The following LRRC1 variants were observed in gnomAD, a reference collection of about 807,000 sequenced individuals.
LRRC1 encodes leucine rich repeat containing 1.
Under a neutral mutation model 69.9 loss-of-function variants are expected in LRRC1, and 28 were observed. The ratio of observed to expected loss-of-function variants is 0.40; its 90% CI spans 0.30 to 0.55. The LOEUF (loss-of-function observed/expected upper bound fraction) is 0.55. Among genes scored for constraint, LRRC1 ranks in the 20% least tolerant of loss-of-function variants. The pLI is 0.47. For missense variants in LRRC1, 498 were observed against 609.0 expected (o/e 0.82, Z 1.92); for synonymous variants, 236 against 240.2 (o/e 0.98, Z 0.16).
intron 10 of LRRC1, among the ~76,000 whole-genome samples, chr6:53,906,617 AAG>A (rs552076381): frequency 1.1e-3 from 175 of 152,298 alleles, no homozygotes; most frequent in African/African-American, 4.0e-3. Context: ...AAACACACTC[AAG>A]AGTTTCTGAC....
chr6:53,820,214 C>T (rs1263239858), intron 1 of LRRC1, among the ~76,000 whole-genome samples: 1 of 151,892 alleles, frequency 6.6e-6, no homozygotes, highest in Non-Finnish European at 1.5e-5. Flanking sequence ...TAAACATGTC[C>T]ATCCAATGGA....
chr6:53,810,150 A>G (rs1764749902), intron 1 of LRRC1, among the ~76,000 whole-genome samples: 1 of 152,210 alleles, frequency 6.6e-6, no homozygotes, highest in Non-Finnish European at 1.5e-5. Context: ...GCAGGAAGGA[A>G]GGCAGGCAGA....
At chr6:53,842,346 G>T (rs537172651) in intron 2 of LRRC1, 119 bp downstream of exon 2, 3 of 662,014 alleles carry the variant, frequency 4.5e-6, no homozygotes, top group Admixed American at 2.4e-5. Flanking sequence ...GTGATAGTTC[G>T]CTGAGAATGA....
At chr6:53,859,695 G>A (rs1766434126) in intron 2 of LRRC1, among the ~76,000 whole-genome samples, 1 of 152,118 alleles carries the variant, frequency 6.6e-6, no homozygotes, top group Non-Finnish European at 1.5e-5. Context: ...TTCTGCCAGG[G>A]TAGGGAGAGT....
intron 10 of LRRC1, among the ~76,000 whole-genome samples, chr6:53,910,916 C>A (rs145726210): frequency 1.3e-5 from 2 of 152,338 alleles, no homozygotes; most frequent in East Asian, 3.9e-4. Flanking sequence ...GTTGTGCCAT[C>A]CCTTCCTGGC....
intron 8 of LRRC1, 129 bp downstream of exon 8, chr6:53,900,020 GTTTTTTTTTTTTTTTTTT>G (rs869246243): frequency 1.6e-4 from 31 of 190,418 alleles, no homozygotes; most frequent in Non-Finnish European, 1.8e-4. Flanking sequence ...TCTCCTTACT[GTTTTTTTTTTTTTTTTTT>G]TTTTTTTTTT....
chr6:53,893,634 A>G (rs1767774008), intron 4 of LRRC1, among the ~76,000 whole-genome samples: 1 of 152,130 alleles, frequency 6.6e-6, no homozygotes, highest in African/African-American at 2.4e-5. Flanking sequence ...ATACTCCAAA[A>G]TCCAAAATTT....
rs201091031 is a variant in LRRC1, at chr6:53,891,257, G to GT, written c.447-5232dup. Among the ~76,000 whole-genome samples the GT allele has an allele frequency of 1.7e-3, 254 of 151,080 alleles. 4 individuals carry two copies. The East Asian group carries it at 0.017, about 10-fold the overall frequency. Reference sequence around the variant, plus strand: ...ATTGACAGGGAGGATAGAAAGTCATGTTTTTTTTTGGTAGGAGGAGGAAGA... The same window carrying GT: ...ATTGACAGGGAGGATAGAAAGTCATGTTTTTTTTTTGGTAGGAGGAGGAAGA... On this transcript the variant is annotated intron_variant, in intron 4 of 13. Coordinates refer to ENST00000370888, the MANE Select transcript of LRRC1 (RefSeq NM_018214.5).
intron 1 of LRRC1, among the ~76,000 whole-genome samples, chr6:53,817,077 C>T (rs1434345568): frequency 6.6e-6 from 1 of 152,104 alleles, no homozygotes; most frequent in African/African-American, 2.4e-5. Flanking sequence ...AAAAGGTCAC[C>T]CATAATCCCC....
rs551730473 is a variant in LRRC1 at position 53,812,445 on chromosome 6, C to G, written c.159+17030C>G. The stretch of plus-strand genomic sequence containing the variant: ...GTGGCTCACGCCTGTAATCCCAGCA[C>G]TTTGGGAGGCCGAGGCGGGCGGATC... On this transcript the variant is annotated intron_variant, in intron 1 of 13. Transcript: ENST00000370888. Among the ~76,000 whole-genome samples the G allele has an allele frequency of 2.6e-3, 393 of 152,056 alleles. 2 individuals are homozygous for G. The highest frequency in any genetic ancestry group is 1.3e-3 in the Non-Finnish European group (88 of 67,970).
intron 4 of LRRC1, among the ~76,000 whole-genome samples, chr6:53,889,737 A>G (rs1411355387): frequency 1.3e-5 from 2 of 152,150 alleles, no homozygotes; most frequent in Non-Finnish European, 2.9e-5. Context: ...TCCTGAATAA[A>G]TATATTAAAG....
chr6:53,821,049 A>G (rs1765100660), intron 1 of LRRC1, among the ~76,000 whole-genome samples: 1 of 152,234 alleles, frequency 6.6e-6, no homozygotes. Context: ...ACTTATGAAT[A>G]TGTCACTTAC....
intron 10 of LRRC1, among the ~76,000 whole-genome samples, 191 bp from the exon 11 acceptor site, chr6:53,913,663 A>G (rs1446881440): frequency 4.6e-5 from 7 of 152,122 alleles, no homozygotes; most frequent in Non-Finnish European, 7.4e-5. Context: ...TTTTGCAGAG[A>G]TTTTTATGAA....
chr6:53,861,736 C>G (rs1766531264), intron 2 of LRRC1, among the ~76,000 whole-genome samples: 1 of 151,914 alleles, frequency 6.6e-6, no homozygotes, highest in Admixed American at 6.5e-5. Flanking sequence ...ACCCTCCTCT[C>G]ACCTTCTCTG....
At chr6:53,831,252 C>T (rs910190697) in intron 1 of LRRC1, among the ~76,000 whole-genome samples, 7 of 152,078 alleles carry the variant, frequency 4.6e-5, no homozygotes, top group African/African-American at 1.7e-4. Flanking sequence ...ATTACATAGT[C>T]AATCCAGTTC....
Position 53,897,320 on chromosome 6 carries a change from T to C in LRRC1, c.603T>C (p.Asp201=). 6.2e-7 allele frequency: 1 copy of C among 1,612,950 alleles called. No homozygotes were observed. The highest frequency in any genetic ancestry group is 8.5e-7 in the Non-Finnish European group (1 of 1,179,278). Residue 201 remains aspartate, a synonymous_variant, in exon 7 of 14, where the codon GAT becomes GAC. Coordinates refer to ENST00000370888, the MANE Select transcript of LRRC1 (RefSeq NM_018214.5). The stretch of plus-strand genomic sequence containing the variant: ...TTGGAGCCCTCTTACATCTAAAAGA[T>C]CTCTGGTTGGATGGAAATCAACTGT... The part of the protein sequence containing the change: ...ESIGALLHLK[D]LWLDGNQLSE...
At chr6:53,846,302 T>C (rs1424017177) in intron 2 of LRRC1, among the ~76,000 whole-genome samples, 2 of 152,228 alleles carry the variant, frequency 1.3e-5, no homozygotes, top group Non-Finnish European at 2.9e-5. Flanking sequence ...TTATGGATTA[T>C]CTAAGCTGCA....
rs1192771676 is a variant in LRRC1, at chr6:53,902,767, A to G, written c.906+20A>G. On this transcript the variant is annotated intron_variant, in intron 9 of 13. Coordinates refer to ENST00000370888, the MANE Select transcript of LRRC1 (RefSeq NM_018214.5). ...CTCCTGGTAAGTGTGGTTTGCACAT[A>G]TATCATAAAGACTTACTAGGGTAGA... 1 of 1,457,016 alleles carries G rather than the reference A, an allele frequency of 6.9e-7. No homozygotes were observed. The allele number at this position is 1,457,016 out of a possible 1,614,324, so 90.3% of individuals were successfully genotyped here. A position where few individuals can be genotyped will look rare whatever the true frequency, so the allele number is the denominator to read the frequency against.
At chr6:53,882,478 G>A (rs968883320) in intron 3 of LRRC1, among the ~76,000 whole-genome samples, 4 of 152,164 alleles carry the variant, frequency 2.6e-5, no homozygotes, top group African/African-American at 9.7e-5. Context: ...AATCTCATGG[G>A]CTGATGAAAT....
Sources: gnomAD v4.1 joint callset for allele counts (sites outside exome capture counted in the v4.1 genomes callset) on GRCh38, gnomAD v4.1.1 for gene constraint, MANE v1.5 for transcripts, NCBI Gene and HGNC (gene_info 2026-07-23, HGNC 2026-07-21) for gene names.